The following CNTN5 variants were observed in gnomAD, a reference collection of about 807,000 sequenced individuals.
CNTN5 encodes contactin-5.
CNTN5 carries 77 observed loss-of-function variants against 129.1 expected under a neutral mutation model. The observed-to-expected ratio is 0.60, with a 90% confidence interval of 0.50 to 0.72. The LOEUF (loss-of-function observed/expected upper bound fraction) is 0.72. Ranked by LOEUF, CNTN5 falls within the 30% of genes least tolerant of loss-of-function variation. The pLI, the probability that CNTN5 is intolerant of heterozygous loss-of-function variation, is 0.00. For synonymous variants in CNTN5, 509 were observed against 465.6 expected, an observed-to-expected ratio of 1.09 and a Z score of -1.20; for missense variants, 1,478 against 1,328.8, an observed-to-expected ratio of 1.11 and a Z score of -1.75.
chr11:99,038,448 C>A lies in CNTN5; in HGVS notation c.-210+17178C>A, dbSNP rs369866572. On this transcript the variant is annotated intron_variant, in intron 1 of 24. Coordinates refer to ENST00000524871, the MANE Select transcript of CNTN5 (RefSeq NM_014361.4). ...TTGTGTTGGTAAAGATCAGTATTCT[C>A]CTTCTAGCTATTATAAACTATACAT... 5.9e-5 allele frequency among the ~76,000 whole-genome samples: 9 copies of A among 152,058 alleles called. No individual in the cohort carries two copies. The East Asian group carries it at 1.5e-3, about 26-fold the overall frequency.
At chr11:99,708,681 A>C (rs1954850884) in intron 3 of CNTN5, among the ~76,000 whole-genome samples, 1 of 151,462 alleles carries the variant, frequency 6.6e-6, no homozygotes, top group Non-Finnish European at 1.5e-5. Flanking sequence ...TTCTTTTCTC[A>C]CTGTGGGGTG....
At chr11:99,460,029 G>C (rs1416784050) in intron 2 of CNTN5, among the ~76,000 whole-genome samples, 1 of 151,934 alleles carries the variant, frequency 6.6e-6, no homozygotes, top group Non-Finnish European at 1.5e-5. Flanking sequence ...TCTGTATGAA[G>C]TGATATTAGT....
At chr11:100,069,576 G>C (rs1217801527) in intron 10 of CNTN5, among the ~76,000 whole-genome samples, 3 of 152,052 alleles carry the variant, frequency 2.0e-5, no homozygotes, top group Non-Finnish European at 4.4e-5. Flanking sequence ...ATTCTTAATA[G>C]CCTCTAAGAT....
rs139790464 is a variant in CNTN5 at position 99,716,174 on chromosome 11, C to A, written c.56-103370C>A. Among the ~76,000 whole-genome samples, 826 of 152,052 alleles carry A rather than the reference C, an allele frequency of 5.4e-3. 2 individuals carry two copies. The highest frequency in any genetic ancestry group is 9.0e-3 in the Non-Finnish European group (614 of 67,928). ...TTTCTTTAGTTGTGAACTCTTAGGT[C>A]AGCAATAATATCGTGTATCCCTTTG... is the stretch of plus-strand genomic sequence containing the variant. On this transcript the variant is annotated intron_variant, in intron 3 of 24. Transcript: ENST00000524871.
chr11:99,507,028 G>A (rs1014369622), intron 2 of CNTN5, among the ~76,000 whole-genome samples: 3 of 152,034 alleles, frequency 2.0e-5, no homozygotes, highest in Non-Finnish European at 4.4e-5. Flanking sequence ...AGATGTTTTA[G>A]TTTCCATTTT....
intron 2 of CNTN5, among the ~76,000 whole-genome samples, chr11:99,484,558 A>T (rs1446985542): frequency 6.6e-6 from 1 of 152,178 alleles, no homozygotes; most frequent in Non-Finnish European, 1.5e-5. Context: ...TAATCAGTAC[A>T]TCCAAAAGAC....
intron 3 of CNTN5, among the ~76,000 whole-genome samples, chr11:99,653,059 A>G (rs757190405): frequency 2.0e-5 from 3 of 152,056 alleles, no homozygotes; most frequent in Non-Finnish European, 1.5e-5. Flanking sequence ...ACAATTGTTT[A>G]TACATCAAAT....
intron 4 of CNTN5, among the ~76,000 whole-genome samples, chr11:99,842,932 CA>C (rs1258776464): frequency 6.6e-6 from 1 of 151,970 alleles, no homozygotes; most frequent in Admixed American, 6.6e-5. Context: ...GCTCGTAGCT[CA>C]AAAAAAGTGC....
At chr11:100,248,925 G>A (rs1949904693) in intron 16 of CNTN5, among the ~76,000 whole-genome samples, 1 of 152,082 alleles carries the variant, frequency 6.6e-6, no homozygotes, top group South Asian at 2.1e-4. Flanking sequence ...TATCATAATT[G>A]GACAAATTTG....
At chr11:99,317,298 C>T (rs971224491) in intron 1 of CNTN5, among the ~76,000 whole-genome samples, 3 of 152,094 alleles carry the variant, frequency 2.0e-5, no homozygotes, top group Admixed American at 6.5e-5. Context: ...CCTTTTGACC[C>T]TACACTGAGG....
At chr11:100,150,054 G>C (rs1036625843) in intron 13 of CNTN5, among the ~76,000 whole-genome samples, 31 of 152,062 alleles carry the variant, frequency 2.0e-4, no homozygotes, top group African/African-American at 7.5e-4. Flanking sequence ...AGAGAAAACA[G>C]TATTATGAAA....
chr11:99,075,968 G>T (rs1865549860), intron 1 of CNTN5, among the ~76,000 whole-genome samples: 1 of 152,068 alleles, frequency 6.6e-6, no homozygotes, highest in South Asian at 2.1e-4. Context: ...ATGTCTTTTG[G>T]TGAAATATTG....
At chr11:100,343,648 C>A (rs1952214881) in intron 23 of CNTN5, among the ~76,000 whole-genome samples, 2 of 152,118 alleles carry the variant, frequency 1.3e-5, no homozygotes, top group Admixed American at 1.3e-4. Context: ...AGAACACAAG[C>A]TTGGAGCCCG....
At chr11:99,649,005 A>T (rs1289978759) in intron 3 of CNTN5, among the ~76,000 whole-genome samples, 1 of 151,734 alleles carries the variant, frequency 6.6e-6, no homozygotes, top group East Asian at 1.9e-4. Context: ...ACTATGGCAT[A>T]ACTATAGTCA....
At chr11:99,992,274 A>G (rs574605488) in intron 8 of CNTN5, among the ~76,000 whole-genome samples, 1 of 152,342 alleles carries the variant, frequency 6.6e-6, no homozygotes, top group South Asian at 2.1e-4. Context: ...TATTTCATAG[A>G]CATTGGCCTA....
intron 1 of CNTN5, among the ~76,000 whole-genome samples, chr11:99,099,335 T>A (rs527365900): frequency 9.9e-5 from 15 of 152,246 alleles, no homozygotes; most frequent in African/African-American, 3.6e-4. Flanking sequence ...TTGACTATAC[T>A]CCACAAATTT....
At chr11:99,682,117 C>T (rs558807637) in intron 3 of CNTN5, among the ~76,000 whole-genome samples, 1 of 152,082 alleles carries the variant, frequency 6.6e-6, no homozygotes, top group Non-Finnish European at 1.5e-5. Flanking sequence ...TATGAATAAT[C>T]TATCATATAA....
intron 9 of CNTN5, among the ~76,000 whole-genome samples, chr11:100,009,961 T>C (rs1003378990): frequency 6.6e-6 from 1 of 152,150 alleles, no homozygotes; most frequent in Non-Finnish European, 1.5e-5. Flanking sequence ...GTAGAAATGA[T>C]GAGTGTTGAC....
intron 3 of CNTN5, among the ~76,000 whole-genome samples, chr11:99,687,566 A>G (rs181118000): frequency 6.9e-4 from 105 of 152,308 alleles, no homozygotes; most frequent in Admixed American, 3.1e-3. Context: ...TCACTTAGCC[A>G]TACTTTATGG....
Sources: gnomAD v4.1 joint callset for allele counts (sites outside exome capture counted in the v4.1 genomes callset) on GRCh38, gnomAD v4.1.1 for gene constraint, MANE v1.5 for transcripts, NCBI Gene and HGNC (gene_info 2026-07-23, HGNC 2026-07-21) for gene names.